The following RALYL variants were observed in gnomAD, a reference collection of about 807,000 sequenced individuals.
RALYL encodes RNA-binding Raly-like protein.
Under a neutral mutation model 35.1 loss-of-function variants are expected in RALYL, and 29 were observed. The ratio of observed to expected loss-of-function variants is 0.83; its 90% CI spans 0.61 to 1.13. The LOEUF is 1.13. Among genes scored for constraint, RALYL ranks in the 50% most tolerant of loss-of-function variants. RALYL has a pLI of 0.00. For missense variants in RALYL, 359 were observed against 360.4 expected, an observed-to-expected ratio of 1.00 and a Z score of 0.03; for synonymous variants, 120 against 127.6, an observed-to-expected ratio of 0.94 and a Z score of 0.40.
chr8:84,907,363 G>A (rs2135636861), intron 8 of RALYL, among the ~76,000 whole-genome samples: 1 of 151,524 alleles, frequency 6.6e-6, no homozygotes. Context: ...GTGAAAAACT[G>A]AGAGGATTTT....
intron 2 of RALYL, among the ~76,000 whole-genome samples, chr8:84,636,453 A>G (rs1274705164): frequency 6.6e-6 from 1 of 151,802 alleles, no homozygotes; most frequent in Non-Finnish European, 1.5e-5. Flanking sequence ...CATTTTTTAT[A>G]ACAATAAAAG....
At chr8:84,468,426 A>G (rs928466058) in intron 1 of RALYL, among the ~76,000 whole-genome samples, 58 of 151,152 alleles carry the variant, frequency 3.8e-4, no homozygotes, top group African/African-American at 1.4e-3. Flanking sequence ...TGGATATGAA[A>G]TTCTGGGTTC....
intron 2 of RALYL, among the ~76,000 whole-genome samples, chr8:84,664,415 C>T (rs1831561653): frequency 6.6e-6 from 1 of 151,456 alleles, no homozygotes. Context: ...TTATAAATTC[C>T]CTTGGACAGT....
intron 1 of RALYL, among the ~76,000 whole-genome samples, chr8:84,505,363 T>C (rs2057076821): frequency 6.6e-6 from 1 of 152,188 alleles, no homozygotes; most frequent in Non-Finnish European, 1.5e-5. Flanking sequence ...TCAGTTCATA[T>C]TTTAATCTGG....
chr8:84,689,065 T>C lies in RALYL; in HGVS notation c.257-85514T>C, dbSNP rs1285555060. On this transcript the variant is annotated intron_variant, in intron 2 of 8. Transcript: ENST00000521268. The stretch of plus-strand genomic sequence containing the variant: ...TGACTCATACACATTGGAATGACTT[T>C]TTTTCTTTTTTTTTTTAAATTTATT... Among the ~76,000 whole-genome samples, 3 of 151,836 alleles carry C rather than the reference T, an allele frequency of 2.0e-5. No homozygotes were observed. In the East Asian group the frequency reaches 5.8e-4, roughly 29 times the overall value.
intron 2 of RALYL, among the ~76,000 whole-genome samples, chr8:84,617,398 G>T (rs1304070912): frequency 4.0e-5 from 6 of 148,892 alleles, no homozygotes; most frequent in African/African-American, 1.5e-4. Flanking sequence ...CTGTTTGTCT[G>T]TTGTTGGTGT....
Position 84,290,959 on chromosome 8 carries a change from T to C in RALYL, c.-24+106535T>C, listed in dbSNP as rs149641792. Among the ~76,000 whole-genome samples the C allele has an allele frequency of 2.8e-3, 294 of 105,304 alleles. 1 individual carries two copies. Among genetic ancestry groups the C allele is most frequent in the Middle Eastern group, 0.026 (6 of 230 alleles). The allele number at this position is 105,304 out of a possible 152,430, so 69.1% of individuals were successfully genotyped here. ...TGATATCTTTCTATAATACTTTTGA[T>C]ATCTTTCAGATCTCTTTTCCATATC... On this transcript the variant is annotated intron_variant, in intron 1 of 8. Transcript: ENST00000521268.
At chr8:84,242,046 C>T (rs991854579) in intron 1 of RALYL, among the ~76,000 whole-genome samples, 2 of 152,082 alleles carry the variant, frequency 1.3e-5, no homozygotes, top group African/African-American at 4.8e-5. Flanking sequence ...TTGTTCCCCC[C>T]ATGTGTCCAT....
At chr8:84,476,350 C>T (rs1191722005) in intron 1 of RALYL, among the ~76,000 whole-genome samples, 1 of 152,138 alleles carries the variant, frequency 6.6e-6, no homozygotes, top group Non-Finnish European at 1.5e-5. Context: ...AAACTCTTTT[C>T]AAGCTTCCAC....
chr8:84,400,096 A>T (rs1304275924), intron 1 of RALYL, among the ~76,000 whole-genome samples: 1 of 152,126 alleles, frequency 6.6e-6, no homozygotes, highest in Non-Finnish European at 1.5e-5. Context: ...AGCATGGGTG[A>T]CAGAGTGAGA....
chr8:84,684,511 G>T (rs1334827358), intron 2 of RALYL, among the ~76,000 whole-genome samples: 2 of 152,144 alleles, frequency 1.3e-5, no homozygotes, highest in African/African-American at 2.4e-5. Flanking sequence ...TTAGAAGATT[G>T]CATTTGAAGA....
At chr8:84,403,524 G>GTTTTTTTTTTTT (rs769845435) in intron 1 of RALYL, among the ~76,000 whole-genome samples, 12 of 39,484 alleles carry the variant, frequency 3.0e-4, no homozygotes, top group East Asian at 1.1e-3. Flanking sequence ...CTATATCTCT[G>GTTTTTTTTTTTT]TTTTTTTTTT....
intron 1 of RALYL, among the ~76,000 whole-genome samples, chr8:84,366,907 G>T (rs939772524): frequency 2.0e-5 from 3 of 151,598 alleles, no homozygotes; most frequent in Non-Finnish European, 4.4e-5. Context: ...TCACAACAGT[G>T]GCAAAGGATT....
At chr8:84,384,358 A>G (rs1022448432) in intron 1 of RALYL, among the ~76,000 whole-genome samples, 3 of 151,716 alleles carry the variant, frequency 2.0e-5, no homozygotes, top group Non-Finnish European at 2.9e-5. Context: ...ACCTGAAGCA[A>G]TTTCAATTTC....
intron 1 of RALYL, among the ~76,000 whole-genome samples, chr8:84,200,470 G>C (rs1351064179): frequency 2.0e-5 from 3 of 152,040 alleles, no homozygotes; most frequent in Admixed American, 6.6e-5. Flanking sequence ...TCATTAAAAG[G>C]AAGTGTCCTA....
chr8:84,549,054 C>G (rs920340668), intron 2 of RALYL, among the ~76,000 whole-genome samples: 1 of 152,150 alleles, frequency 6.6e-6, no homozygotes, highest in Non-Finnish European at 1.5e-5. Flanking sequence ...AAGGGAGTAG[C>G]TGTTTGAACT....
At chr8:84,853,155 T>C (rs1836232979) in intron 5 of RALYL, among the ~76,000 whole-genome samples, 1 of 152,188 alleles carries the variant, frequency 6.6e-6, no homozygotes. Flanking sequence ...CCTAACCTCC[T>C]GGGAATGCAG....
intron 2 of RALYL, among the ~76,000 whole-genome samples, chr8:84,760,032 T>C (rs1287160661): frequency 4.6e-5 from 7 of 152,146 alleles, no homozygotes; most frequent in Admixed American, 4.6e-4. Context: ...TTGCTAGACA[T>C]AGTAATTATG....
At chr8:84,504,009 A>G (rs138012002) in intron 1 of RALYL, among the ~76,000 whole-genome samples, 9 of 152,234 alleles carry the variant, frequency 5.9e-5, no homozygotes, top group Admixed American at 2.0e-4. Flanking sequence ...GAAAAAGATG[A>G]CCATACCTGA....
Sources: gnomAD v4.1 joint callset for allele counts (sites outside exome capture counted in the v4.1 genomes callset) on GRCh38, gnomAD v4.1.1 for gene constraint, MANE v1.5 for transcripts, NCBI Gene and HGNC (gene_info 2026-07-23, HGNC 2026-07-21) for gene names.